Variants in GNAO1 observed in about 807,000 individuals in gnomAD.
GNAO1 encodes the protein guanine nucleotide-binding protein G(o) subunit alpha.
For missense variants in GNAO1, 166 were observed against 478.7 expected (o/e 0.35, Z 6.10); for synonymous variants, 164 against 180.7 (o/e 0.91, Z 0.74).
chr16:56,264,476 G>A (rs2036933362), intron 2 of GNAO1, among the ~76,000 whole-genome samples: 1 of 152,202 alleles, frequency 6.6e-6, no homozygotes, highest in South Asian at 2.1e-4. Context: ...ACAAGTCCTG[G>A]CCTTGCCCCT....
At chr16:56,339,186 G>A (rs1322666625) in intron 6 of GNAO1, among the ~76,000 whole-genome samples, 1 of 152,266 alleles carries the variant, frequency 6.6e-6, no homozygotes, top group Admixed American at 6.5e-5. Flanking sequence ...CGCTGGGGGC[G>A]CATGCAGAGG....
intron 3 of GNAO1, among the ~76,000 whole-genome samples, chr16:56,294,517 G>C (rs1306218775): frequency 6.6e-6 from 1 of 152,036 alleles, no homozygotes; most frequent in African/African-American, 2.4e-5. Context: ...TCCGTCATCT[G>C]GTGATGGACA....
chr16:56,325,495 A>G (rs2037622236), intron 3 of GNAO1, among the ~76,000 whole-genome samples: 2 of 152,194 alleles, frequency 1.3e-5, no homozygotes, highest in African/African-American at 2.4e-5. Flanking sequence ...AATAATAATA[A>G]TAATGCACAC....
chr16:56,201,925 G>A (rs989681684), intron 2 of GNAO1, among the ~76,000 whole-genome samples: 13 of 152,182 alleles, frequency 8.5e-5, no homozygotes, highest in East Asian at 5.8e-4. Context: ...CACACCTGGG[G>A]AGAGGGGTCA....
chr16:56,277,327 G>A (rs572830604), intron 3 of GNAO1, among the ~76,000 whole-genome samples: 72 of 152,284 alleles, frequency 4.7e-4, no homozygotes, highest in Middle Eastern at 6.8e-3. Context: ...GTTTGGTCAC[G>A]GAGCCAGGGC....
intron 2 of GNAO1, among the ~76,000 whole-genome samples, chr16:56,236,371 G>T (rs2036637361): frequency 6.6e-6 from 1 of 152,194 alleles, no homozygotes; most frequent in Non-Finnish European, 1.5e-5. Context: ...GACAGAGAAA[G>T]AGATCATTCA....
chr16:56,230,587 G>A (rs2036580672), intron 2 of GNAO1, among the ~76,000 whole-genome samples: 1 of 152,098 alleles, frequency 6.6e-6, no homozygotes, highest in African/African-American at 2.4e-5. Context: ...GTGTTCTGGT[G>A]TGGTATGTGA....
At chr16:56,306,578 C>A (rs1179248671) in intron 3 of GNAO1, among the ~76,000 whole-genome samples, 1 of 152,208 alleles carries the variant, frequency 6.6e-6, no homozygotes. Flanking sequence ...TGCAGACACA[C>A]AGACCAGCCT....
At chr16:56,214,827 A>G (rs1392912021) in intron 2 of GNAO1, among the ~76,000 whole-genome samples, 13 of 152,230 alleles carry the variant, frequency 8.5e-5, no homozygotes, top group African/African-American at 2.7e-4. Flanking sequence ...TTTCTGTCCC[A>G]TGGCCTGTGC....
intron 2 of GNAO1, among the ~76,000 whole-genome samples, chr16:56,257,024 A>C (rs1276607278): frequency 3.3e-5 from 5 of 152,250 alleles, no homozygotes; most frequent in Non-Finnish European, 5.9e-5. Context: ...AATTATGGCA[A>C]ATAGTCTCGC....
At chr16:56,241,700 G>A (rs1036421925) in intron 2 of GNAO1, among the ~76,000 whole-genome samples, 47 of 152,326 alleles carry the variant, frequency 3.1e-4, no homozygotes, top group African/African-American at 1.1e-3. Context: ...AAAATCATGA[G>A]GGTAATGGAG....
chr16:56,332,911 A>G (rs1190620794), intron 4 of GNAO1, among the ~76,000 whole-genome samples: 1 of 152,206 alleles, frequency 6.6e-6, no homozygotes. Flanking sequence ...GCAGGCACAG[A>G]GGCTTGGGAG....
At position 56,291,617 on chromosome 16, in the gene GNAO1, T is replaced by C. The variant is rs548526622; in HGVS notation, c.303+15545T>C. 3.9e-4 allele frequency among the ~76,000 whole-genome samples: 60 copies of C among 152,310 alleles called. 1 individual carries two copies. The South Asian group carries it at 0.012, about 31-fold the overall frequency. On this transcript the variant is annotated intron_variant, in intron 3 of 8. Transcript: ENST00000262493. The stretch of plus-strand genomic sequence containing the variant: ...CATTCTGCCCTTGCCTCTGCCCCCT[T>C]GCCAGAGTTCCTCACTCCCCCAGAC...
chr16:56,212,793 G>A (rs1283870255), intron 2 of GNAO1, among the ~76,000 whole-genome samples: 1 of 152,194 alleles, frequency 6.6e-6, no homozygotes, highest in Admixed American at 6.5e-5. Context: ...TGTCCTTCCT[G>A]GCTCCTGGTA....
At chr16:56,347,690 C>A (rs1341096141) in intron 6 of GNAO1, 25 of 985,932 alleles carry the variant, frequency 2.5e-5, no homozygotes, top group Non-Finnish European at 2.8e-5. Flanking sequence ...AGAGACCCAC[C>A]GCCCTTCCTG....
chr16:56,289,669 C>T (rs1431080361), intron 3 of GNAO1, among the ~76,000 whole-genome samples: 1 of 152,178 alleles, frequency 6.6e-6, no homozygotes, highest in Non-Finnish European at 1.5e-5. Context: ...GATGGCAGAG[C>T]ATACGGCGCA....
At chr16:56,347,309 A>G in intron 6 of GNAO1, 2 of 985,482 alleles carry the variant, frequency 2.0e-6, no homozygotes, top group Non-Finnish European at 2.4e-6. Context: ...TTCAGTGTGC[A>G]GTGCCGAAGG....
At chr16:56,308,262 G>A (rs531189244) in intron 3 of GNAO1, 1 of 152,196 alleles carries the variant, frequency 6.6e-6, no homozygotes, top group Non-Finnish European at 1.5e-5. Context: ...TTTGGTTTTA[G>A]TAGTTTTATT....
chr16:56,322,708 G>T (rs762318851), intron 3 of GNAO1, among the ~76,000 whole-genome samples: 1 of 152,050 alleles, frequency 6.6e-6, no homozygotes, highest in African/African-American at 2.4e-5. Flanking sequence ...CACAAGAGGA[G>T]GTCGACTTTG....
Sources: allele counts gnomAD v4.1 joint callset (sites outside exome capture counted in the v4.1 genomes callset), GRCh38; gene constraint gnomAD v4.1.1; transcripts MANE v1.5; gene names NCBI Gene and HGNC (gene_info 2026-07-23, HGNC 2026-07-21).